The following TDRD3 variants were observed in gnomAD, a reference collection of about 807,000 sequenced individuals.
The protein encoded by TDRD3 is tudor domain containing 3, also known as tudor domain-containing protein 3.
TDRD3 carries 45 observed loss-of-function variants against 86.7 expected under a neutral mutation model. The ratio of observed to expected loss-of-function variants is 0.52; its 90% CI spans 0.41 to 0.67. The LOEUF is 0.67. TDRD3 is among the 30% of genes least tolerant of loss of function. The pLI, the probability that TDRD3 is intolerant of heterozygous loss-of-function variation, is 0.00. For missense variants in TDRD3, 814 were observed against 889.0 expected (o/e 0.92, Z 1.07); for synonymous variants, 298 against 301.7 (o/e 0.99, Z 0.13).
At chr13:60,491,183 G>A (rs997834040) in intron 7 of TDRD3, among the ~76,000 whole-genome samples, 2 of 151,974 alleles carry the variant, frequency 1.3e-5, no homozygotes, top group Non-Finnish European at 2.9e-5. Context: ...GCAGGTTAGA[G>A]TTGCTTGCCT....
chr13:60,529,197 C>T lies in TDRD3; in HGVS notation c.1972C>T (p.Leu658Phe). 6.2e-7 allele frequency: 1 copy of T among 1,601,448 alleles called. No individual in the cohort carries two copies. The highest frequency in any genetic ancestry group is 8.5e-7 in the Non-Finnish European group (1 of 1,174,902). ...MWKPGDECFA[L>F]YWEDNKFYRA... ...GAAACCTGGAGATGAATGTTTTGCA[C>T]TTTATTGGGAAGACAACAAGGTATG... The change falls in exon 11 of 14, where the codon CTT becomes TTT. Residue 658 changes from leucine (L) to phenylalanine (F), a missense_variant. By Grantham distance (22) the Leu-to-Phe change is conservative. Transcript: ENST00000377881.
chr13:60,398,759 A>G (rs1954012569), intron 1 of TDRD3, among the ~76,000 whole-genome samples: 1 of 152,228 alleles, frequency 6.6e-6, no homozygotes, highest in Admixed American at 6.5e-5. Context: ...CTTATGCGTT[A>G]TTGTTGTTAC....
At chr13:60,409,257 C>T (rs1453476021) in intron 1 of TDRD3, among the ~76,000 whole-genome samples, 2 of 152,232 alleles carry the variant, frequency 1.3e-5, no homozygotes, top group Non-Finnish European at 2.9e-5. Context: ...TCATGGAGAA[C>T]CTCTGTTAGT....
intron 1 of TDRD3, among the ~76,000 whole-genome samples, chr13:60,401,944 TAAG>T (rs1453511991): frequency 1.1e-4 from 16 of 152,224 alleles, no homozygotes; most frequent in Middle Eastern, 3.4e-3. Flanking sequence ...TAGAAAAAAA[TAAG>T]AAGCATAATG....
intron 8 of TDRD3, among the ~76,000 whole-genome samples, chr13:60,497,972 T>C (rs1956752834): frequency 1.3e-5 from 2 of 152,052 alleles, no homozygotes; most frequent in Admixed American, 1.3e-4. Context: ...CTGCATTTAA[T>C]ATTGCAGCTC....
intron 1 of TDRD3, among the ~76,000 whole-genome samples, chr13:60,417,019 C>CTCT (rs1954534587): frequency 7.0e-6 from 1 of 141,970 alleles, no homozygotes; most frequent in Non-Finnish European, 1.5e-5. Context: ...CTCTCTCTCT[C>CTCT]TTTTTTTTTT....
At chr13:60,450,740 A>G (rs542763190) in intron 3 of TDRD3, among the ~76,000 whole-genome samples, 1 of 152,298 alleles carries the variant, frequency 6.6e-6, no homozygotes, top group South Asian at 2.1e-4. Context: ...CTAATGAGAG[A>G]TTGAGAAACC....
chr13:60,567,435 A>G, intron 12 of TDRD3, 90 bp from the exon 13 acceptor site: 1 of 1,548,792 alleles, frequency 6.5e-7, no homozygotes. Flanking sequence ...CTTAAGAGAG[A>G]TATTATTAAA....
At chr13:60,460,345 T>A in intron 3 of TDRD3, 35 bp from the exon 4 acceptor site, 1 of 1,539,446 alleles carries the variant, frequency 6.5e-7, no homozygotes. Context: ...GTTTCATGAC[T>A]AGAAAGTGAT....
intron 12 of TDRD3, among the ~76,000 whole-genome samples, chr13:60,563,232 TAAAA>T (rs36139602): frequency 7.4e-6 from 1 of 135,046 alleles, no homozygotes; most frequent in Non-Finnish European, 1.6e-5. Context: ...CATATCAATT[TAAAA>T]AAAAAAAAAA....
At chr13:60,401,957 GAC>G (rs1954113886) in intron 1 of TDRD3, among the ~76,000 whole-genome samples, 1 of 152,126 alleles carries the variant, frequency 6.6e-6, no homozygotes, top group Non-Finnish European at 1.5e-5. Context: ...GAAGCATAAT[GAC>G]AGTATAGGTT....
intron 3 of TDRD3, among the ~76,000 whole-genome samples, chr13:60,446,218 T>C (rs912375193): frequency 2.6e-5 from 4 of 152,106 alleles, no homozygotes; most frequent in Non-Finnish European, 5.9e-5. Context: ...AGAATTATTA[T>C]TCACAGAATT....
chr13:60,476,215 C>T (rs1311108358), intron 5 of TDRD3, among the ~76,000 whole-genome samples: 12 of 152,004 alleles, frequency 7.9e-5, no homozygotes, highest in Non-Finnish European at 1.6e-4. Context: ...TTAATGTTTG[C>T]GTATGATGAC....
At chr13:60,547,038 A>T (rs554351496) in intron 12 of TDRD3, among the ~76,000 whole-genome samples, 1 of 152,336 alleles carries the variant, frequency 6.6e-6, no homozygotes, top group South Asian at 2.1e-4. Context: ...GATTGAAAAA[A>T]AATAATTTCA....
chr13:60,468,106 T>C (rs1955988470), intron 5 of TDRD3, among the ~76,000 whole-genome samples: 1 of 152,198 alleles, frequency 6.6e-6, no homozygotes, highest in African/African-American at 2.4e-5. Context: ...TTCAGCATAG[T>C]TGAGATGCTT....
At position 60,485,875 on chromosome 13, in the gene TDRD3, A is replaced by C. The variant is rs772246082; in HGVS notation, c.644A>C (p.Lys215Thr). ...RKTLQVTMPVKPTNDNDEFEK... is the reference protein window; with the variant it reads ...RKTLQVTMPVTPTNDNDEFEK... The stretch of plus-strand genomic sequence containing the variant: ...ACATTGCAAGTTACAATGCCTGTCA[A>C]ACCTACAAATGATAATGATGAATTT... The change falls in exon 7 of 14, where the codon AAA becomes ACA. Residue 215 changes from lysine (K) to threonine (T), a missense_variant. By Grantham distance (78) the Lys-to-Thr change is moderately conservative (BLOSUM62 -1). Transcript: ENST00000377881. 2 of 1,611,408 alleles carry C rather than the reference A, an allele frequency of 1.2e-6. No homozygotes were observed. Among genetic ancestry groups the C allele is most frequent in the Non-Finnish European group, 1.7e-6 (2 of 1,178,914 alleles).
rs200672430 is a variant in TDRD3, at chr13:60,555,850, TTC to T, written c.2119-11673_2119-11672del. ...TAGGAAAAAAAACCAACCTATTTCT[TTC>T]TTTTTTTTTTTTTTTTGAGATGGAA... On this transcript the variant is annotated intron_variant, in intron 12 of 13. Transcript: ENST00000377881. 8.1e-5 allele frequency among the ~76,000 whole-genome samples: 12 copies of T among 147,250 alleles called. 2 individuals are homozygous for T. Among genetic ancestry groups the T allele is most frequent in the Admixed American group, 1.3e-4 (2 of 14,916 alleles).
intron 8 of TDRD3, among the ~76,000 whole-genome samples, chr13:60,500,661 A>G (rs530267409): frequency 3.3e-5 from 5 of 152,312 alleles, no homozygotes; most frequent in Admixed American, 3.3e-4. Flanking sequence ...GCGATTATAT[A>G]CTGATTTATG....
At chr13:60,514,293 G>T (rs1438621680) in intron 10 of TDRD3, among the ~76,000 whole-genome samples, 1 of 152,212 alleles carries the variant, frequency 6.6e-6, no homozygotes, top group Non-Finnish European at 1.5e-5. Flanking sequence ...CATTCAAGAT[G>T]TGACCTGGTT....
Sources: allele counts gnomAD v4.1 joint callset (sites outside exome capture counted in the v4.1 genomes callset), GRCh38; gene constraint gnomAD v4.1.1; transcripts MANE v1.5; gene names NCBI Gene and HGNC (gene_info 2026-07-23, HGNC 2026-07-21).